RFFL: variants seen among roughly 807,000 people sequenced by gnomAD.
The protein encoded by RFFL is E3 ubiquitin-protein ligase rififylin.
RFFL carries 16 observed loss-of-function variants against 40.4 expected under a neutral mutation model. The ratio of observed to expected loss-of-function variants is 0.40; its 90% CI spans 0.27 to 0.60. The LOEUF (loss-of-function observed/expected upper bound fraction) is 0.60, where lower values mean the gene tolerates loss of function less well. RFFL is among the 20% of genes least tolerant of loss of function. The pLI, the probability that RFFL is intolerant of heterozygous loss-of-function variation, is 0.47. For synonymous variants in RFFL, 154 were observed against 167.9 expected (o/e 0.92, Z 0.64); for missense variants, 367 against 451.7 (o/e 0.81, Z 1.70).
rs2090894050 is a variant in RFFL at position 35,006,183 on chromosome 17, A to C, written c.*5785T>G. On this transcript the variant is annotated 3_prime_UTR_variant, in exon 7 of 7. Transcript: ENST00000394597. ...ATTTAGTGTAGACAAGTGCTATTCA[A>C]TAGAACTTTTTGCAGCAGTGGAAAT... The C allele has an allele frequency of 6.5e-6, 1 of 154,806 alleles. No homozygotes were observed. The highest frequency in any genetic ancestry group is 2.4e-5 in the African/African-American group (1 of 41,464). 9.6% of individuals were successfully genotyped at this position (154,806 alleles called of 1,614,324 possible). A position where few individuals can be genotyped will look rare whatever the true frequency, so the allele number is the denominator to read the frequency against.
chr17:35,067,263 G>A (rs112291197), upstream of RFFL, among the ~76,000 whole-genome samples: 3 of 151,388 alleles, frequency 2.0e-5, no homozygotes, highest in East Asian at 2.0e-4. Flanking sequence ...GATTATAGGC[G>A]TATGCCACCA....
chr17:35,040,850 T>C (rs2091159901), intron 1 of RFFL, among the ~76,000 whole-genome samples: 1 of 78,426 alleles, frequency 1.3e-5, no homozygotes, highest in East Asian at 3.4e-4. Context: ...TCTTTTTTTT[T>C]TTTTTTTTTT....
At chr17:35,060,740 A>G (rs533452948) in intron 1 of RFFL, among the ~76,000 whole-genome samples, 6 of 152,326 alleles carry the variant, frequency 3.9e-5, no homozygotes, top group Middle Eastern at 3.4e-3. Flanking sequence ...AAACCATGCC[A>G]TCTAACAAAA....
intron 1 of RFFL, among the ~76,000 whole-genome samples, chr17:35,086,530 C>T (rs1349902690): frequency 2.0e-5 from 3 of 150,260 alleles, no homozygotes; most frequent in African/African-American, 7.4e-5. Flanking sequence ...ATCTTTCTTA[C>T]ACAAACACCA....
At chr17:35,042,823 C>CAAAAAAAAAAAAA (rs11296826) in intron 1 of RFFL, among the ~76,000 whole-genome samples, 32 of 60,390 alleles carry the variant, frequency 5.3e-4, no homozygotes, top group Non-Finnish European at 9.5e-4. Context: ...GACTCCATCT[C>CAAAAAAAAAAAAA]AAAAAAAAAA....
intron 1 of RFFL, among the ~76,000 whole-genome samples, chr17:35,083,809 GGAA>G: frequency 6.6e-6 from 1 of 151,810 alleles, no homozygotes; most frequent in Non-Finnish European, 1.5e-5. Flanking sequence ...GAAAGAAAAG[GGAA>G]GAAAAGTGAA....
chr17:35,022,217 T>G (rs1037813100), intron 2 of RFFL, among the ~76,000 whole-genome samples: 2 of 152,212 alleles, frequency 1.3e-5, no homozygotes, highest in Non-Finnish European at 2.9e-5. Context: ...GATAACAGTA[T>G]CTACCTCATG....
chr17:35,029,163 T>C (rs898119179), intron 1 of RFFL, among the ~76,000 whole-genome samples: 11 of 151,818 alleles, frequency 7.2e-5, no homozygotes, highest in African/African-American at 2.7e-4. Context: ...CCCAGGAACT[T>C]AAGTTCCTAG....
intron 1 of RFFL, among the ~76,000 whole-genome samples, chr17:35,044,734 G>A (rs991497071): frequency 8.5e-5 from 13 of 152,226 alleles, no homozygotes; most frequent in African/African-American, 2.2e-4. Context: ...AAACACCAAG[G>A]TTATTTTGGC....
intron 1 of RFFL, among the ~76,000 whole-genome samples, chr17:35,031,251 C>T (rs1421602784): frequency 1.3e-5 from 2 of 151,914 alleles, no homozygotes; most frequent in African/African-American, 4.9e-5. Context: ...GGATTACAGG[C>T]GCCTGCTACC....
chr17:35,046,799 C>T (rs1487581761), intron 1 of RFFL, among the ~76,000 whole-genome samples: 4 of 152,206 alleles, frequency 2.6e-5, no homozygotes, highest in African/African-American at 4.8e-5. Flanking sequence ...CAAAATATCA[C>T]CCCTGGGGTC....
intron 1 of RFFL, among the ~76,000 whole-genome samples, chr17:35,078,384 C>A (rs1172446509): frequency 6.6e-6 from 1 of 152,124 alleles, no homozygotes; most frequent in Non-Finnish European, 1.5e-5. Context: ...TTCATTATAA[C>A]CTCAAACTCC....
At chr17:35,066,871 C>CT (rs75349195), upstream of RFFL, among the ~76,000 whole-genome samples, 1,198 of 143,050 alleles carry the variant, frequency 8.4e-3, 15 homozygotes, top group African/African-American at 0.024. Context: ...ACCTCACAGC[C>CT]TTTTTTTTTT....
intron 1 of RFFL, among the ~76,000 whole-genome samples, chr17:35,028,386 C>T (rs2091057669): frequency 6.6e-6 from 1 of 151,828 alleles, no homozygotes; most frequent in Non-Finnish European, 1.5e-5. Flanking sequence ...TAGTACATAT[C>T]AAATGCAGGT....
intron 5 of RFFL, 69 bp downstream of exon 5, chr17:35,016,300 AC>A (rs2090972631): frequency 7.3e-7 from 1 of 1,378,346 alleles, no homozygotes; most frequent in Non-Finnish European, 1.0e-6. Flanking sequence ...TCAGGTCAAT[AC>A]CATCATGCTT....
intron 1 of RFFL, among the ~76,000 whole-genome samples, chr17:35,033,204 ATTGGAATAG>A (rs1332466396): frequency 6.6e-6 from 1 of 151,958 alleles, no homozygotes; most frequent in Non-Finnish European, 1.5e-5. Context: ...ACAATAAATG[ATTGGAATAG>A]GAGTAAAGGC....
At chr17:35,039,741 G>A (rs559309460) in intron 1 of RFFL, among the ~76,000 whole-genome samples, 2 of 150,096 alleles carry the variant, frequency 1.3e-5, no homozygotes, top group Admixed American at 6.6e-5. Flanking sequence ...GCAATGGCAC[G>A]ATCTCAGTTC....
chr17:35,040,402 G>T (rs1050189497), intron 1 of RFFL, among the ~76,000 whole-genome samples: 2 of 151,928 alleles, frequency 1.3e-5, no homozygotes, highest in African/African-American at 4.8e-5. Flanking sequence ...GGGAGTTCAA[G>T]ACCAGCCTGG....
At chr17:35,046,638 T>C (rs987488954) in intron 1 of RFFL, among the ~76,000 whole-genome samples, 1 of 152,226 alleles carries the variant, frequency 6.6e-6, no homozygotes. Context: ...CGGTAACTGT[T>C]AACAACTGAA....
Sources: gnomAD v4.1 joint callset for allele counts (sites outside exome capture counted in the v4.1 genomes callset) on GRCh38, gnomAD v4.1.1 for gene constraint, MANE v1.5 for transcripts, NCBI Gene and HGNC (gene_info 2026-07-23, HGNC 2026-07-21) for gene names.